Variants in ETV7 observed in about 807,000 individuals in gnomAD.
ETV7 encodes transcription factor ETV7.
A neutral mutation model predicts 39.1 loss-of-function variants in ETV7; 43 were observed. That is an observed-to-expected ratio of 1.10 (90% confidence interval 0.86 to 1.42). The LOEUF is 1.42. Ranked by LOEUF, ETV7 falls within the 40% of genes most tolerant of loss-of-function variation. ETV7 has a pLI of 0.00. For missense variants in ETV7, 432 were observed against 442.3 expected, an observed-to-expected ratio of 0.98 and a Z score of 0.21; for synonymous variants, 196 against 176.6, an observed-to-expected ratio of 1.11 and a Z score of -0.87.
rs1250495259 is a variant in ETV7, at chr6:36,371,372, A to G, written c.622T>C (p.Phe208Leu). Residue 208 changes from phenylalanine to leucine, a missense_variant, in exon 5 of 8, where the codon TTC (phenylalanine) becomes CTC (leucine). Coordinates refer to ENST00000340181, the MANE Select transcript of ETV7 (RefSeq NM_016135.4). ...ATGGGGGCCTGCGGCATCGCGGGGA[A>G]GGAACAGACCCCCTGGGTCCTGCAG... The part of the protein sequence containing the change: ...LGCRTQGVCS[F>L]PAMPQAPIDG... The G allele has an allele frequency of 3.1e-6, 5 of 1,601,266 alleles. No homozygotes were observed. Among genetic ancestry groups the G allele is most frequent in the Non-Finnish European group, 4.3e-6 (5 of 1,173,126 alleles).
Position 36,376,007 on chromosome 6 carries a change from C to A in ETV7, c.171G>T (p.Glu57Asp), listed in dbSNP as rs926792372. 1.2e-6 allele frequency: 2 copies of A among 1,608,382 alleles called. No homozygotes were observed. The highest frequency in any genetic ancestry group is 1.7e-6 in the Non-Finnish European group (2 of 1,179,818). Residue 57 changes from glutamate to aspartate, a missense_variant, in exon 3 of 8, where the codon GAG (glutamate) becomes GAT (aspartate). Glu to Asp is a conservative substitution (Grantham distance 45). Transcript: ENST00000340181. ...CCCAGCGCAGCCAGTGCAGCACGTC[C>A]TCCCTGCTCCACAGTGCGGGCTGGA... is the stretch of plus-strand genomic sequence containing the variant. ...LRIQPALWSR[E>D]DVLHWLRWAE... is the part of the protein sequence containing the mutation.
At chr6:36,358,440 GA>G (rs1366978988) in intron 7 of ETV7, among the ~76,000 whole-genome samples, 1 of 152,186 alleles carries the variant, frequency 6.6e-6, no homozygotes, top group Non-Finnish European at 1.5e-5. Context: ...GGTCAGTCAG[GA>G]AAAAATAATG....
chr6:36,362,104 C>T (rs1052505042), downstream of ETV7, among the ~76,000 whole-genome samples: 3 of 152,188 alleles, frequency 2.0e-5, no homozygotes, highest in Non-Finnish European at 4.4e-5. Context: ...CGAGACCATC[C>T]TGGCTAACAT....
chr6:36,369,684 G>C (rs1407862826), intron 5 of ETV7, among the ~76,000 whole-genome samples: 1 of 152,192 alleles, frequency 6.6e-6, no homozygotes, highest in Non-Finnish European at 1.5e-5. Context: ...TCCTTGTATG[G>C]GGTGGTGAGA....
downstream of ETV7, among the ~76,000 whole-genome samples, chr6:36,363,101 C>T (rs1034092668): frequency 2.0e-5 from 3 of 152,132 alleles, no homozygotes; most frequent in African/African-American, 4.8e-5. Context: ...CCCTCCTAAG[C>T]CAGGTATGCA....
intron 4 of ETV7, among the ~76,000 whole-genome samples, chr6:36,372,345 AGGCAAG>A (rs1003137497): frequency 6.6e-6 from 1 of 152,126 alleles, no homozygotes; most frequent in Non-Finnish European, 1.5e-5. Flanking sequence ...TGGGAGGGGA[AGGCAAG>A]GGCAGGAGTC....
downstream of ETV7, among the ~76,000 whole-genome samples, chr6:36,361,799 GTTCT>G (rs1772497275): frequency 6.6e-6 from 1 of 152,176 alleles, no homozygotes; most frequent in South Asian, 2.1e-4. Context: ...TCTATTGTCA[GTTCT>G]TTAATTGTAA....
intron 6 of ETV7, among the ~76,000 whole-genome samples, chr6:36,368,443 C>G (rs186762154): frequency 4.9e-4 from 74 of 152,160 alleles, no homozygotes; most frequent in African/African-American, 1.7e-3. Context: ...AATCCTAATT[C>G]AAAAATAATT....
chr6:36,359,556 T>G (rs1190920363), intron 7 of ETV7, among the ~76,000 whole-genome samples: 1 of 152,206 alleles, frequency 6.6e-6, no homozygotes, highest in African/African-American at 2.4e-5. Context: ...TGCTTACACA[T>G]GTTTTTTACA....
chr6:36,355,679 C>T (rs1031649583), intron 7 of ETV7, among the ~76,000 whole-genome samples: 1 of 152,236 alleles, frequency 6.6e-6, no homozygotes, highest in African/African-American at 2.4e-5. Flanking sequence ...TCCCAAAGTG[C>T]TGGGATTACA....
At position 36,369,066 on chromosome 6, in the gene ETV7, GGCAGTCT is replaced by G. The variant is rs1395358796; in HGVS notation, c.665-2_669del. On this transcript the variant is annotated splice_acceptor_variant and coding_sequence_variant, in exon 6 of 8. Transcript: ENST00000340181. LOFTEE classifies it high-confidence loss of function. ...TGATACACGTAATCCCACAGCAGGCGGCAGTCTGCAATTTAGCACAGGGAGTGCAGGC... is the reference window on the plus strand; with the variant it reads ...TGATACACGTAATCCCACAGCAGGCGGCAATTTAGCACAGGGAGTGCAGGC... The G allele has an allele frequency of 5.6e-6, 9 of 1,613,982 alleles. No individual in the cohort carries two copies. Among genetic ancestry groups the G allele is most frequent in the Non-Finnish European group, 7.6e-6 (9 of 1,180,026 alleles).
intron 3 of ETV7, among the ~76,000 whole-genome samples, chr6:36,375,425 C>T (rs557804973): frequency 1.3e-5 from 2 of 152,330 alleles, no homozygotes; most frequent in South Asian, 4.1e-4. Flanking sequence ...CCTTTGCCCT[C>T]AGACCTAGTT....
At chr6:36,354,236 T>G (rs557349123) in exon 8 of ETV7, 1 of 151,828 alleles carries the variant, frequency 6.6e-6, no homozygotes, top group South Asian at 2.1e-4. Context: ...TGGTGTCCTA[T>G]GAAGCACAAA....
Position 36,373,492 on chromosome 6 carries a change from G to C in ETV7, c.394C>G (p.Leu132Val), listed in dbSNP as rs1316183292. ...CGPFFGGIFR[L>V]KTPTQHSPVP... Reference sequence around the variant, plus strand: ...GGAGAGTGCTGGGTGGGCGTCTTCAGCCTGAAGATCCCTCCAAAAAAGGGC... The same window carrying C: ...GGAGAGTGCTGGGTGGGCGTCTTCACCCTGAAGATCCCTCCAAAAAAGGGC... Residue 132 changes from leucine to valine, a missense_variant, in exon 4 of 8, where the codon CTG (leucine) becomes GTG (valine). Physicochemically the swap from Leu to Val is conservative, Grantham distance 32. Transcript: ENST00000340181. 1.3e-6 allele frequency: 2 copies of C among 1,575,362 alleles called. No individual in the cohort carries two copies. The highest frequency in any genetic ancestry group is 8.6e-7 in the Non-Finnish European group (1 of 1,161,834).
chr6:36,382,753 C>T (rs62403723), intron 2 of ETV7, among the ~76,000 whole-genome samples: 3,064 of 152,316 alleles, frequency 0.02, 38 homozygotes, highest in Non-Finnish European at 0.026. Context: ...CGGCACTCTA[C>T]GTCTCTTCCC....
At chr6:36,363,627 G>A (rs1480128284), downstream of ETV7, among the ~76,000 whole-genome samples, 1 of 152,268 alleles carries the variant, frequency 6.6e-6, no homozygotes. Flanking sequence ...GGTTGCCACT[G>A]CTAGCTGGGG....
At chr6:36,363,448 T>C (rs1049774748), downstream of ETV7, among the ~76,000 whole-genome samples, 1 of 151,790 alleles carries the variant, frequency 6.6e-6, no homozygotes, top group Non-Finnish European at 1.5e-5. Context: ...GTTACAGCTC[T>C]TAAAGCAGCA....
intron 2 of ETV7, among the ~76,000 whole-genome samples, chr6:36,376,506 G>A (rs534084979): frequency 1.3e-3 from 200 of 152,290 alleles, no homozygotes; most frequent in African/African-American, 3.4e-3. Flanking sequence ...GGCCAGGCGC[G>A]GTGGCTCATG....
chr6:36,363,046 C>T (rs546500245), downstream of ETV7, among the ~76,000 whole-genome samples: 29 of 152,294 alleles, frequency 1.9e-4, 1 homozygote, highest in South Asian at 5.8e-3. Context: ...GGCGGCAGTT[C>T]CCTTCTCTGT....
Sources: gnomAD v4.1 joint callset for allele counts (sites outside exome capture counted in the v4.1 genomes callset) on GRCh38, gnomAD v4.1.1 for gene constraint, MANE v1.5 for transcripts, NCBI Gene and HGNC (gene_info 2026-07-23, HGNC 2026-07-21) for gene names.